Variants in CEP85L observed in about 807,000 individuals in gnomAD.
CEP85L encodes centrosomal protein of 85 kDa-like.
Under a neutral mutation model 100.3 loss-of-function variants are expected in CEP85L, and 60 were observed. That is an observed-to-expected ratio of 0.60 (90% CI 0.49 to 0.74). CEP85L has a LOEUF of 0.74. CEP85L is among the 30% of genes least tolerant of loss of function. The pLI, the probability that CEP85L is intolerant of heterozygous loss-of-function variation, is 0.00. For synonymous variants in CEP85L, 319 were observed against 322.7 expected (o/e 0.99, Z 0.12); for missense variants, 973 against 936.2 (o/e 1.04, Z -0.51).
chr6:118,516,930 G>C (rs1442398135), intron 4 of CEP85L, among the ~76,000 whole-genome samples: 2 of 152,182 alleles, frequency 1.3e-5, no homozygotes, highest in Non-Finnish European at 2.9e-5. Context: ...TGTTTAAGGT[G>C]TAAGGAAGGG....
At chr6:118,468,448 G>A (rs766289782) in intron 12 of CEP85L, among the ~76,000 whole-genome samples, 1 of 152,166 alleles carries the variant, frequency 6.6e-6, no homozygotes, top group East Asian at 1.9e-4. Context: ...GTACAGAGAT[G>A]AGCGTTTCTG....
intron 5 of CEP85L, among the ~76,000 whole-genome samples, chr6:118,508,210 T>A (rs1775770584): frequency 6.6e-6 from 1 of 151,948 alleles, no homozygotes; most frequent in South Asian, 2.1e-4. Context: ...TAGTACAGAC[T>A]TGGTGGTGGA....
intron 1 of CEP85L, among the ~76,000 whole-genome samples, chr6:118,659,368 T>C (rs1775898500): frequency 6.6e-6 from 1 of 152,224 alleles, no homozygotes; most frequent in Non-Finnish European, 1.5e-5. Context: ...CAAATCTTTA[T>C]AATAGACTTT....
rs1048090101 is a variant in CEP85L at position 118,651,494 on chromosome 6, C to T, written c.-225G>A. 2 of 1,269,802 alleles carry T rather than the reference C, an allele frequency of 1.6e-6. No homozygotes were observed. The highest frequency in any genetic ancestry group is 2.0e-6 in the Non-Finnish European group (2 of 1,008,696). 78.7% of individuals were successfully genotyped at this position (1,269,802 alleles called of 1,614,324 possible). ...TGGCCAAGCCGGCTGGGCTGAGGCC[C>T]GCGCCGGGGAAGCGGCGACTCGGCG... On this transcript the variant is annotated 5_prime_UTR_variant, in exon 1 of 13. Coordinates refer to ENST00000368491, the MANE Select transcript of CEP85L (RefSeq NM_001042475.3).
chr6:118,511,969 A>G (rs1270142864), intron 4 of CEP85L, among the ~76,000 whole-genome samples: 6 of 152,054 alleles, frequency 3.9e-5, no homozygotes, highest in East Asian at 1.9e-4. Context: ...AAGAAAGAAA[A>G]AAAAAAAAAC....
chr6:118,531,765 A>G (rs975286370), intron 3 of CEP85L, among the ~76,000 whole-genome samples: 8 of 152,180 alleles, frequency 5.3e-5, no homozygotes, highest in African/African-American at 1.4e-4. Flanking sequence ...AAAACATTCA[A>G]TATCACTAAT....
upstream of CEP85L, chr6:118,652,870 TA>T (rs1775645010): frequency 4.2e-6 from 3 of 714,690 alleles, no homozygotes; most frequent in African/African-American, 5.4e-5. Context: ...TTTATTATTT[TA>T]ATGTGCACTA....
chr6:118,492,969 C>T (rs1774672871), intron 5 of CEP85L, among the ~76,000 whole-genome samples: 1 of 152,086 alleles, frequency 6.6e-6, no homozygotes, highest in Non-Finnish European at 1.5e-5. Flanking sequence ...AGATGGCAGA[C>T]TCACCCTTTA....
intron 1 of CEP85L, among the ~76,000 whole-genome samples, chr6:118,698,767 C>A (rs775774492): frequency 2.6e-5 from 4 of 151,426 alleles, no homozygotes; most frequent in Non-Finnish European, 4.4e-5. Flanking sequence ...AGCACAGTGA[C>A]CTTCAGCTCT....
At chr6:118,628,248 A>G (rs1773929324) in intron 2 of CEP85L, among the ~76,000 whole-genome samples, 1 of 152,264 alleles carries the variant, frequency 6.6e-6, no homozygotes, top group South Asian at 2.1e-4. Context: ...TATTGGAATT[A>G]CTAGACCAGG....
At chr6:118,628,532 T>C (rs1172768704) in intron 2 of CEP85L, among the ~76,000 whole-genome samples, 1 of 150,580 alleles carries the variant, frequency 6.6e-6, no homozygotes, top group Non-Finnish European at 1.5e-5. Context: ...AAATGGAACA[T>C]AATTATTTAA....
chr6:118,547,884 A>T (rs916436855), intron 3 of CEP85L, among the ~76,000 whole-genome samples: 3 of 152,148 alleles, frequency 2.0e-5, no homozygotes, highest in Non-Finnish European at 4.4e-5. Flanking sequence ...TTATGAAGAC[A>T]CGTATTAAAG....
intron 1 of CEP85L, among the ~76,000 whole-genome samples, chr6:118,698,837 C>G (rs1445975361): frequency 6.6e-6 from 1 of 151,360 alleles, no homozygotes. Context: ...TGAAGTATAA[C>G]AGAATATTTT....
chr6:118,488,136 T>C lies in CEP85L; in HGVS notation c.1437+3550A>G, dbSNP rs539525068. Among the ~76,000 whole-genome samples, 7 of 152,222 alleles carry C rather than the reference T, an allele frequency of 4.6e-5. No individual in the cohort carries two copies. In the South Asian group the frequency reaches 1.5e-3, roughly 32 times the overall value. On this transcript the variant is annotated intron_variant, in intron 6 of 12. Coordinates refer to ENST00000368491, the MANE Select transcript of CEP85L (RefSeq NM_001042475.3). ...TGGAAGTGATAGCTATTTTATATAATATACAAGTATCAACTTAAAGAGGGA... is the reference window on the plus strand; with the variant it reads ...TGGAAGTGATAGCTATTTTATATAACATACAAGTATCAACTTAAAGAGGGA...
chr6:118,514,650 T>C (rs1582952009), intron 4 of CEP85L, among the ~76,000 whole-genome samples: 1 of 151,626 alleles, frequency 6.6e-6, no homozygotes, highest in African/African-American at 2.4e-5. Flanking sequence ...GCAGAATGGA[T>C]AAAAAGTAGG....
At chr6:118,558,786 A>C (rs1416383919) in intron 3 of CEP85L, 3 of 713,342 alleles carry the variant, frequency 4.2e-6, no homozygotes, top group African/African-American at 1.8e-5. Flanking sequence ...GATAGGTTAC[A>C]TAGATGATTC....
At chr6:118,608,192 T>C (rs940640840) in intron 2 of CEP85L, among the ~76,000 whole-genome samples, 1 of 152,168 alleles carries the variant, frequency 6.6e-6, no homozygotes, top group African/African-American at 2.4e-5. Flanking sequence ...TTATTAAATG[T>C]TTTGTGACTT....
At chr6:118,501,425 G>C in intron 5 of CEP85L, 1 of 378,282 alleles carries the variant, frequency 2.6e-6, no homozygotes, top group Non-Finnish European at 5.0e-6. Flanking sequence ...GCTGGGGCCT[G>C]AGAACATGAA....
intron 2 of CEP85L, among the ~76,000 whole-genome samples, chr6:118,578,907 T>G (rs1233979077): frequency 2.6e-5 from 4 of 151,940 alleles, no homozygotes; most frequent in Non-Finnish European, 5.9e-5. Flanking sequence ...TTTGTTTGAG[T>G]TTTTTTGAGA....
Sources: gnomAD v4.1 joint callset for allele counts (sites outside exome capture counted in the v4.1 genomes callset) on GRCh38, gnomAD v4.1.1 for gene constraint, MANE v1.5 for transcripts, NCBI Gene and HGNC (gene_info 2026-07-23, HGNC 2026-07-21) for gene names.